The following CFAP47 variants were observed in gnomAD, a reference collection of about 807,000 sequenced individuals.
The protein encoded by CFAP47 is cilia and flagella associated protein 47, also known as cilia- and flagella-associated protein 47.
In CFAP47, 29 loss-of-function variants were observed where a neutral mutation model predicts 148.1. The ratio of observed to expected loss-of-function variants is 0.20; its 90% CI spans 0.15 to 0.27. The LOEUF is 0.27. CFAP47 is among the 10% of genes least tolerant of loss of function. The pLI, the probability that CFAP47 is intolerant of heterozygous loss-of-function variation, is 1.00. For synonymous variants in CFAP47, 664 were observed against 577.3 expected (o/e 1.15, Z -2.15); for missense variants, 1,872 against 1,697.5 (o/e 1.10, Z -1.81).
At chrX:36,147,520 G>C (rs1939252213) in intron 36 of CFAP47, among the ~76,000 whole-genome samples, 1 of 112,364 alleles carries the variant, frequency 8.9e-6, no homozygotes, top group African/African-American at 3.2e-5. Flanking sequence ...AAATCGCTTG[G>C]TCTGTTAATG....
rs755488462 is a variant in CFAP47, at chrX:36,013,524, C to T, written c.3418-1250C>T. ...GAGAACAGTTGCATCACCTTCTGTACATTTTCTTGTGTGTATTACTATAGG... is the reference window on the plus strand; with the variant it reads ...GAGAACAGTTGCATCACCTTCTGTATATTTTCTTGTGTGTATTACTATAGG... On this transcript the variant is annotated intron_variant, in intron 21 of 63. Coordinates refer to ENST00000378653, the MANE Select transcript of CFAP47 (RefSeq NM_001304548.2). Among the ~76,000 whole-genome samples, 24 of 111,722 alleles carry T rather than the reference C, an allele frequency of 2.1e-4. No homozygotes were observed. In the South Asian group the frequency reaches 8.7e-3, roughly 40 times the overall value.
At chrX:36,366,749 T>A (rs1340459444) in intron 61 of CFAP47, among the ~76,000 whole-genome samples, 1 of 111,477 alleles carries the variant, frequency 9.0e-6, no homozygotes, top group African/African-American at 3.2e-5. Flanking sequence ...TAAAAATAAT[T>A]ACTTCAAAGG....
chrX:36,246,564 G>C lies in CFAP47; in HGVS notation c.7333-4769G>C, dbSNP rs1418966480. ...ATGCCAGATGCTTGTAAAACCATAA[G>C]ATCTCATGAGAATTCACTCGCTGTC... On this transcript the variant is annotated intron_variant, in intron 48 of 63. Coordinates refer to ENST00000378653, the MANE Select transcript of CFAP47 (RefSeq NM_001304548.2). 2.7e-5 allele frequency among the ~76,000 whole-genome samples: 3 copies of C among 111,353 alleles called. No individual in the cohort carries two copies. The East Asian group carries it at 8.5e-4, about 32-fold the overall frequency.
At chrX:36,243,646 TG>T (rs2146915915) in intron 48 of CFAP47, among the ~76,000 whole-genome samples, 1 of 39,964 alleles carries the variant, frequency 2.5e-5, no homozygotes, top group African/African-American at 1.8e-4. Flanking sequence ...TATATGTGTG[TG>T]TATATATATA....
intron 39 of CFAP47, among the ~76,000 whole-genome samples, chrX:36,168,449 A>G (rs768501693): frequency 3.6e-5 from 4 of 112,423 alleles, no homozygotes; most frequent in Non-Finnish European, 7.5e-5. Flanking sequence ...GAAACTTTGT[A>G]TCTGCAATGT....
chrX:36,259,921 C>G (rs1210471170), intron 49 of CFAP47, among the ~76,000 whole-genome samples: 1 of 111,251 alleles, frequency 9.0e-6, no homozygotes, highest in African/African-American at 3.3e-5. Flanking sequence ...GTGCCCATGT[C>G]TATTCAATCT....
At position 36,353,768 on chromosome X, in the gene CFAP47, T is replaced by G. The variant is rs782464089; in HGVS notation, c.8851+87T>G. Reference sequence around the variant, plus strand: ...GCAGGTTGCTGATTGTGCAGTTACATTAAGATCCATGTCCATTTACTTTTC... The same window carrying G: ...GCAGGTTGCTGATTGTGCAGTTACAGTAAGATCCATGTCCATTTACTTTTC... On this transcript the variant is annotated intron_variant, in intron 60 of 63. Coordinates refer to ENST00000378653, the MANE Select transcript of CFAP47 (RefSeq NM_001304548.2). 9 of 678,680 alleles carry G rather than the reference T, an allele frequency of 1.3e-5. No homozygotes were observed. In the African/African-American group the frequency reaches 2.0e-4, roughly 15 times the overall value. The allele number at this position is 678,680 out of a possible 1,213,427, so 55.9% of individuals were successfully genotyped here.
chrX:36,286,468 T>C (rs1256225124), intron 51 of CFAP47, among the ~76,000 whole-genome samples: 2 of 110,917 alleles, frequency 1.8e-5, no homozygotes, highest in African/African-American at 6.5e-5. Flanking sequence ...ATTTACAAAT[T>C]GATTATTTGC....
At position 36,243,647 on chromosome X, in the gene CFAP47, G is replaced by GTGTATA. The variant is rs1179341078; in HGVS notation, c.7332+6789_7332+6790insGTATAT. Among the ~76,000 whole-genome samples the GTGTATA allele has an allele frequency of 9.4e-3, 602 of 64,073 alleles. 8 individuals are homozygous for GTGTATA. The highest frequency in any genetic ancestry group is 0.024 in the Middle Eastern group (2 of 82). The allele number at this position is 64,073 out of a possible 115,157, so 55.6% of individuals were successfully genotyped here. ...AAAAACTTAACTATTATATGTGTGT[G>GTGTATA]TATATATATATATATATATATATAT... On this transcript the variant is annotated intron_variant, in intron 48 of 63. Coordinates refer to ENST00000378653, the MANE Select transcript of CFAP47 (RefSeq NM_001304548.2).
intron 55 of CFAP47, among the ~76,000 whole-genome samples, chrX:36,310,121 C>A (rs189238919): frequency 3.6e-5 from 4 of 110,503 alleles, no homozygotes; most frequent in African/African-American, 9.8e-5. Context: ...CTGCACATTA[C>A]CAAAGTGTTT....
At chrX:36,086,488 A>G (rs1197624053) in intron 30 of CFAP47, among the ~76,000 whole-genome samples, 1 of 111,514 alleles carries the variant, frequency 9.0e-6, no homozygotes, top group Non-Finnish European at 1.9e-5. Flanking sequence ...AATCTGCTCC[A>G]TAGTTGTTCA....
At chrX:36,170,805 T>C (rs1939562929) in intron 39 of CFAP47, among the ~76,000 whole-genome samples, 1 of 108,687 alleles carries the variant, frequency 9.2e-6, no homozygotes, top group Admixed American at 9.9e-5. Context: ...CCTTTGGGTA[T>C]ATACCCAGTA....
intron 33 of CFAP47, among the ~76,000 whole-genome samples, chrX:36,129,362 C>T (rs763128038): frequency 3.8e-4 from 42 of 110,202 alleles, no homozygotes; most frequent in Non-Finnish European, 7.1e-4. Context: ...CAATTTTTAT[C>T]TTGATACTGA....
rs1322327099 is a variant in CFAP47, at chrX:35,939,428, A to G, written c.402-1855A>G. The stretch of plus-strand genomic sequence containing the variant: ...CATCTAGCATTAGGTATATCTCCCA[A>G]TGCTATCCCTCCCCCCTCCCCCCAC... On this transcript the variant is annotated intron_variant, in intron 2 of 63. Transcript: ENST00000378653. Among the ~76,000 whole-genome samples the G allele has an allele frequency of 2.1e-4, 18 of 85,837 alleles. No homozygotes were observed. The South Asian group carries it at 4.3e-3, about 21-fold the overall frequency. 74.5% of individuals were successfully genotyped at this position (85,837 alleles called of 115,157 possible).
chrX:35,948,786 GGTGTGTGTGTGTGC>G (rs1447372953), intron 4 of CFAP47, among the ~76,000 whole-genome samples: 2 of 108,058 alleles, frequency 1.9e-5, no homozygotes, highest in Non-Finnish European at 3.8e-5. Context: ...TGTGATTTGG[GGTGTGTGTGTGTGC>G]GTGTGTGTGT....
Position 35,956,164 on chromosome X carries a change from G to C in CFAP47, c.1378G>C (p.Glu460Gln). 1.7e-6 allele frequency: 2 copies of C among 1,209,564 alleles called. No homozygotes were observed. Among genetic ancestry groups the C allele is most frequent in the Non-Finnish European group, 2.2e-6 (2 of 893,552 alleles). ...KKTANFEIDPEKGKITGGGMV... is the reference protein window; with the variant it reads ...KKTANFEIDPQKGKITGGGMV... ...AACTGCAAATTTTGAAATTGATCCT[G>C]AAAAGGGCAAGATTACTGGAGGGGG... is the stretch of plus-strand genomic sequence containing the variant. The change falls in exon 8 of 64, where the codon GAA (glutamate) becomes CAA (glutamine). Residue 460 changes from glutamate to glutamine, a missense_variant. Glu to Gln is a conservative substitution (Grantham distance 29). Coordinates refer to ENST00000378653, the MANE Select transcript of CFAP47 (RefSeq NM_001304548.2).
At chrX:36,372,870 A>G (rs1407838424) in intron 62 of CFAP47, among the ~76,000 whole-genome samples, 1 of 111,858 alleles carries the variant, frequency 8.9e-6, no homozygotes, top group East Asian at 2.8e-4. Flanking sequence ...AAATTACTTG[A>G]CAGCATATGC....
At chrX:36,239,294 G>T (rs1195924340) in intron 48 of CFAP47, among the ~76,000 whole-genome samples, 1 of 112,389 alleles carries the variant, frequency 8.9e-6, no homozygotes, top group Non-Finnish European at 1.9e-5. Context: ...ATTTTTCAGT[G>T]ATCTTGAAAT....
At chrX:36,139,410 T>G (rs7064252) in intron 35 of CFAP47, among the ~76,000 whole-genome samples, 10,939 of 111,252 alleles carry the variant, frequency 0.098, 1,065 homozygotes, top group African/African-American at 0.3. Context: ...AGGCATATAC[T>G]AGGATATTGA....
Sources: gnomAD v4.1 joint callset for allele counts (sites outside exome capture counted in the v4.1 genomes callset) on GRCh38, gnomAD v4.1.1 for gene constraint, MANE v1.5 for transcripts, NCBI Gene and HGNC (gene_info 2026-07-23, HGNC 2026-07-21) for gene names.